The following KIF14 variants were observed in gnomAD, a reference collection of about 807,000 sequenced individuals.
KIF14 encodes the protein kinesin family member 14, also known as kinesin-like protein KIF14.
In KIF14, 98 loss-of-function variants were observed where a neutral mutation model predicts 176.2. The observed-to-expected ratio is 0.56, with a 90% CI of 0.47 to 0.66. The LOEUF is 0.66. KIF14 is among the 30% of genes least tolerant of loss of function. The pLI is 0.00. For synonymous variants in KIF14, 566 were observed against 632.2 expected (o/e 0.90, Z 1.57); for missense variants, 1,751 against 1,920.4 (o/e 0.91, Z 1.65).
intron 19 of KIF14, among the ~76,000 whole-genome samples, chr1:200,581,561 C>A (rs1658455213): frequency 6.6e-6 from 1 of 151,818 alleles, no homozygotes; most frequent in Non-Finnish European, 1.5e-5. Context: ...TTTCTAATAT[C>A]TAGAAAAAAA....
At chr1:200,559,544 A>G (rs1275516236) in intron 26 of KIF14, 92 bp from the exon 27 acceptor site, 3 of 665,878 alleles carry the variant, frequency 4.5e-6, no homozygotes, top group South Asian at 4.6e-5. Context: ...TAAATTATCA[A>G]GTAATTAAGT....
At chr1:200,564,260 CAAAA>C (rs57025286) in intron 25 of KIF14, among the ~76,000 whole-genome samples, 6 of 66,320 alleles carry the variant, frequency 9.0e-5, no homozygotes, top group Admixed American at 1.7e-4. Context: ...GACTCCAGCT[CAAAA>C]AAAAAAAAAA....
chr1:200,576,477 C>CGA (rs576387999), intron 21 of KIF14, among the ~76,000 whole-genome samples: 1 of 87,482 alleles, frequency 1.1e-5, no homozygotes, highest in African/African-American at 3.6e-5. Flanking sequence ...GACTCCGTCT[C>CGA]AAAAAAAAAA....
chr1:200,592,562 G>C (rs1558073513), intron 15 of KIF14, among the ~76,000 whole-genome samples: 1 of 152,168 alleles, frequency 6.6e-6, no homozygotes, highest in East Asian at 1.9e-4. Context: ...TTTTAGTAGA[G>C]ATGGGGTTTC....
intron 22 of KIF14, among the ~76,000 whole-genome samples, chr1:200,572,220 C>T (rs772214674): frequency 2.6e-5 from 4 of 152,166 alleles, no homozygotes; most frequent in East Asian, 1.9e-4. Flanking sequence ...TATCCAATTT[C>T]GAAATCTTAG....
chr1:200,617,994 A>G lies in KIF14; in HGVS notation c.730T>C (p.Leu244=). The G allele has an allele frequency of 1.9e-6, 3 of 1,614,172 alleles. No homozygotes were observed. Among genetic ancestry groups the G allele is most frequent in the Non-Finnish European group, 2.5e-6 (3 of 1,180,028 alleles). ...CCTGTTCCCAACACTTTGATATCCA[A>G]CTTGCTCTGAGTAGGTTTCGTTGTC... ...HLTTKPTQSK[L]DIKVLGTGNL... is the part of the protein sequence containing the mutation. Residue 244 remains leucine (L), a synonymous_variant, in exon 2 of 30, where the codon TTG becomes CTG. Coordinates refer to ENST00000367350, the MANE Select transcript of KIF14 (RefSeq NM_014875.3).
At chr1:200,565,728 T>C (rs1441231517) in intron 23 of KIF14, 59 bp from the exon 24 acceptor site, 3 of 1,098,494 alleles carry the variant, frequency 2.7e-6, no homozygotes, top group African/African-American at 1.6e-5. Flanking sequence ...CTTTCTTTTT[T>C]AAAAAAAGGG....
intron 22 of KIF14, among the ~76,000 whole-genome samples, chr1:200,571,377 G>A (rs1657781991): frequency 6.6e-6 from 1 of 150,432 alleles, no homozygotes; most frequent in Non-Finnish European, 1.5e-5. Flanking sequence ...TGCCTAAGCT[G>A]TTATTTTCTT....
At chr1:200,559,287 A>T in intron 27 of KIF14, 43 bp downstream of exon 27, 1 of 1,229,494 alleles carries the variant, frequency 8.1e-7, no homozygotes, top group Non-Finnish European at 1.1e-6. Flanking sequence ...TCAACTTTAT[A>T]TATTATTTAG....
rs1658985596 is a variant in KIF14, at chr1:200,590,252, T to G, written c.2834A>C (p.Glu945Ala). The G allele has an allele frequency of 6.2e-7, 1 of 1,613,160 alleles. No homozygotes were observed. Among genetic ancestry groups the G allele is most frequent in the South Asian group, 1.1e-5 (1 of 91,000 alleles). The change falls in exon 17 of 30, where the codon GAG becomes GCG. Residue 945 changes from glutamate to alanine, a missense_variant. Coordinates refer to ENST00000367350, the MANE Select transcript of KIF14 (RefSeq NM_014875.3). ...TTCTTCCTTTGCCTTCAACTGAGCC[T>G]CTTTTATTTCTGCTTCAAGTCTACA... ...QRSQLEAEIK[E>A]AQLKAKEEMM...
intron 11 of KIF14, 126 bp from the exon 12 acceptor site, chr1:200,600,629 A>G: frequency 1.5e-6 from 1 of 662,944 alleles, no homozygotes; most frequent in Non-Finnish European, 2.5e-6. Context: ...AATAAAATAG[A>G]ATATTGGAGA....
At position 200,597,425 on chromosome 1, in the gene KIF14, T is replaced by C. The variant is rs541855177; in HGVS notation, c.2549+812A>G. Among the ~76,000 whole-genome samples the C allele has an allele frequency of 5.3e-5, 8 of 152,232 alleles. No homozygotes were observed. The South Asian group carries it at 1.7e-3, about 32-fold the overall frequency. On this transcript the variant is annotated intron_variant, in intron 14 of 29. Coordinates refer to ENST00000367350, the MANE Select transcript of KIF14 (RefSeq NM_014875.3). ...AAAGATATGAAGAGGCAAGTTACAATAGTAAACAAAAATGGCCAATCAACA... is the reference window on the plus strand; with the variant it reads ...AAAGATATGAAGAGGCAAGTTACAACAGTAAACAAAAATGGCCAATCAACA...
intron 20 of KIF14, 129 bp from the exon 21 acceptor site, chr1:200,580,512 A>G (rs1571502011): frequency 2.4e-6 from 1 of 413,814 alleles, no homozygotes; most frequent in Non-Finnish European, 4.0e-6. Context: ...ACAGTTAAGT[A>G]TTTTTATTAT....
chr1:200,604,876 T>C (rs568020356), intron 8 of KIF14, among the ~76,000 whole-genome samples: 18 of 152,200 alleles, frequency 1.2e-4, no homozygotes, highest in African/African-American at 4.3e-4. Context: ...ATACTCTGCA[T>C]AATTACTATA....
At chr1:200,566,836 T>C (rs1657483756) in intron 23 of KIF14, among the ~76,000 whole-genome samples, 1 of 152,044 alleles carries the variant, frequency 6.6e-6, no homozygotes, top group Non-Finnish European at 1.5e-5. Context: ...AGAAGTATAA[T>C]TGGATTCATA....
Position 200,559,386 on chromosome 1 carries a change from G to C in KIF14, c.4297C>G (p.Leu1433Val). ...LGMKILLDSG[L>V]EKAKELQHEL... The stretch of plus-strand genomic sequence containing the variant: ...TGCTGAAGTTCTTTTGCTTTTTCCA[G>C]TCCAGAATCTAATAAAATCTTCATT... Residue 1433 changes from leucine (L) to valine (V), a missense_variant, in exon 27 of 30, where the codon CTG becomes GTG. Leu to Val is a conservative substitution (Grantham distance 32). Coordinates refer to ENST00000367350, the MANE Select transcript of KIF14 (RefSeq NM_014875.3). The C allele has an allele frequency of 1.3e-6, 2 of 1,590,932 alleles. No individual in the cohort carries two copies. The highest frequency in any genetic ancestry group is 1.7e-6 in the Non-Finnish European group (2 of 1,167,866).
intron 20 of KIF14, 84 bp downstream of exon 20, chr1:200,581,117 A>AAAAAAAAG (rs1553256826): frequency 2.1e-6 from 1 of 475,184 alleles, no homozygotes; most frequent in African/African-American, 2.3e-5. Flanking sequence ...CTGTCTCAGA[A>AAAAAAAAG]AAAAAAAAAA....
rs115964122 is a variant in KIF14 at position 200,574,829 on chromosome 1, T to C, written c.3566+762A>G. Among the ~76,000 whole-genome samples, 616 of 152,256 alleles carry C rather than the reference T, an allele frequency of 4.0e-3. 9 individuals are homozygous for C. The highest frequency in any genetic ancestry group is 0.014 in the African/African-American group (589 of 41,558). ...ATTTGTCATATATAGAAGTTGTCTA[T>C]CACTATGATTTATTATTTTGTGGAG... On this transcript the variant is annotated intron_variant, in intron 22 of 29. Coordinates refer to ENST00000367350, the MANE Select transcript of KIF14 (RefSeq NM_014875.3).
chr1:200,564,467 T>C (rs138804000), intron 25 of KIF14, among the ~76,000 whole-genome samples: 15 of 152,268 alleles, frequency 9.9e-5, no homozygotes, highest in African/African-American at 2.9e-4. Flanking sequence ...CTAGATTTTA[T>C]GTGAGAGAGA....
Sources: gnomAD v4.1 joint callset for allele counts (sites outside exome capture counted in the v4.1 genomes callset) on GRCh38, gnomAD v4.1.1 for gene constraint, MANE v1.5 for transcripts, NCBI Gene and HGNC (gene_info 2026-07-23, HGNC 2026-07-21) for gene names.